The following N4BP1 variants were observed in gnomAD, a reference collection of about 807,000 sequenced individuals.
The protein encoded by N4BP1 is NEDD4-binding protein 1.
Under a neutral mutation model 70.9 loss-of-function variants are expected in N4BP1, and 21 were observed. That is an observed-to-expected ratio of 0.30 (90% CI 0.21 to 0.43). The LOEUF is 0.43. Among genes scored for constraint, N4BP1 ranks in the 20% least tolerant of loss-of-function variants. N4BP1 has a pLI of 1.00. For synonymous variants in N4BP1, 387 were observed against 394.6 expected (o/e 0.98, Z 0.23); for missense variants, 936 against 1,069.4 (o/e 0.88, Z 1.74).
Position 48,580,925 on chromosome 16 carries a change from T to C in N4BP1, c.199-18481A>G, listed in dbSNP as rs78964918. Reference sequence around the variant, plus strand: ...ATTTAAGTATACAGGAAAATATACATAGATTATACGCAAACACTATACCAT... The same window carrying C: ...ATTTAAGTATACAGGAAAATATACACAGATTATACGCAAACACTATACCAT... On this transcript the variant is annotated intron_variant, in intron 1 of 6. Transcript: ENST00000262384. Among the ~76,000 whole-genome samples the C allele has an allele frequency of 2.2e-4, 34 of 152,202 alleles. No homozygotes were observed. In the East Asian group the frequency reaches 6.2e-3, roughly 28 times the overall value.
chr16:48,592,701 G>A (rs1021125603), intron 1 of N4BP1, among the ~76,000 whole-genome samples: 11 of 152,180 alleles, frequency 7.2e-5, no homozygotes, highest in Admixed American at 5.2e-4. Context: ...AAGATTACTG[G>A]TAAATAAAAA....
chr16:48,556,827 T>A (rs2151087971), intron 2 of N4BP1, among the ~76,000 whole-genome samples: 1 of 151,794 alleles, frequency 6.6e-6, no homozygotes, highest in East Asian at 1.9e-4. Flanking sequence ...AAAAGACTAG[T>A]ATGGAAAAAA....
chr16:48,597,767 T>C (rs1480054131), intron 1 of N4BP1, among the ~76,000 whole-genome samples: 1 of 152,200 alleles, frequency 6.6e-6, no homozygotes, highest in Admixed American at 6.5e-5. Context: ...TCTCGTCATC[T>C]AGTGGCCCTA....
intron 1 of N4BP1, among the ~76,000 whole-genome samples, chr16:48,594,241 G>C (rs1436939886): frequency 6.6e-6 from 1 of 152,142 alleles, no homozygotes; most frequent in African/African-American, 2.4e-5. Flanking sequence ...TTGTTGTTTG[G>C]AAAGCTGAGT....
chr16:48,592,025 T>A lies in N4BP1; in HGVS notation c.198+17750A>T, dbSNP rs77530392. ...TAACAGTTACAGAGGGATACTTGGC[T>A]CACTGCACGCTTTAATCAAAGAAGC... On this transcript the variant is annotated intron_variant, in intron 1 of 6. Transcript: ENST00000262384. Among the ~76,000 whole-genome samples, 581 of 152,220 alleles carry A rather than the reference T, an allele frequency of 3.8e-3. 3 individuals are homozygous for A. Among genetic ancestry groups the A allele is most frequent in the African/African-American group, 0.013 (553 of 41,554 alleles).
At chr16:48,582,171 T>C (rs1964183234) in intron 1 of N4BP1, among the ~76,000 whole-genome samples, 1 of 152,206 alleles carries the variant, frequency 6.6e-6, no homozygotes, top group Admixed American at 6.5e-5. Flanking sequence ...GATATACAAA[T>C]GGCCAACAGG....
At chr16:48,596,225 A>G (rs1964412697) in intron 1 of N4BP1, among the ~76,000 whole-genome samples, 1 of 152,150 alleles carries the variant, frequency 6.6e-6, no homozygotes, top group Admixed American at 6.5e-5. Context: ...TCTGCAATTT[A>G]GATTTTGGTG....
chr16:48,565,411 T>C (rs1162904309), intron 1 of N4BP1, among the ~76,000 whole-genome samples: 1 of 152,248 alleles, frequency 6.6e-6, no homozygotes, highest in East Asian at 1.9e-4. Flanking sequence ...AATCCTGTGA[T>C]TATTTTTCTT....
At chr16:48,564,432 T>G (rs149149107) in intron 1 of N4BP1, among the ~76,000 whole-genome samples, 343 of 152,332 alleles carry the variant, frequency 2.3e-3, no homozygotes, top group Non-Finnish European at 4.3e-3. Flanking sequence ...AGGCTATTCT[T>G]TCACTACTGA....
At chr16:48,554,479 C>T (rs1187768987) in intron 2 of N4BP1, among the ~76,000 whole-genome samples, 3 of 152,146 alleles carry the variant, frequency 2.0e-5, no homozygotes, top group Non-Finnish European at 4.4e-5. Flanking sequence ...TTAAATTTTA[C>T]TCTCCAGCAG....
chr16:48,559,288 A>G (rs1963807696), intron 2 of N4BP1, among the ~76,000 whole-genome samples: 1 of 152,204 alleles, frequency 6.6e-6, no homozygotes. Context: ...GTATTCTTAA[A>G]AACTCAGGGC....
In N4BP1 at chr16:48,540,409, C is replaced by G. The variant is rs1295045538; in HGVS notation, c.*2495G>C. The G allele has an allele frequency of 6.6e-6, 1 of 152,496 alleles. No homozygotes were observed. Among genetic ancestry groups the G allele is most frequent in the Non-Finnish European group, 1.5e-5 (1 of 68,216 alleles). 9.4% of individuals were successfully genotyped at this position (152,496 alleles called of 1,614,324 possible). A position where few individuals can be genotyped will look rare whatever the true frequency, so the allele number is the denominator to read the frequency against. On this transcript the variant is annotated 3_prime_UTR_variant, in exon 7 of 7. Coordinates refer to ENST00000262384, the MANE Select transcript of N4BP1 (RefSeq NM_153029.4). ...TCTCAAAAGCCACCCAGGCCCAAGT[C>G]CCGGCCAGACAGCCGAGCCTGCCTA...
intron 1 of N4BP1, among the ~76,000 whole-genome samples, chr16:48,579,414 T>C (rs1473311697): frequency 6.6e-6 from 1 of 152,210 alleles, no homozygotes; most frequent in Non-Finnish European, 1.5e-5. Context: ...AGTACTCTCT[T>C]AGGCCTACTC....
Position 48,585,938 on chromosome 16 carries a change from C to T in N4BP1, c.199-23494G>A, listed in dbSNP as rs565807916. On this transcript the variant is annotated intron_variant, in intron 1 of 6. Coordinates refer to ENST00000262384, the MANE Select transcript of N4BP1 (RefSeq NM_153029.4). ...CTCCAACTCCTGATCTCAAGTGATCCGCCCGCCTCGGCCTCCCAAAGTGCT... is the reference window on the plus strand; with the variant it reads ...CTCCAACTCCTGATCTCAAGTGATCTGCCCGCCTCGGCCTCCCAAAGTGCT... Among the ~76,000 whole-genome samples, 19 of 152,148 alleles carry T rather than the reference C, an allele frequency of 1.2e-4. No homozygotes were observed. In the South Asian group the frequency reaches 3.3e-3, roughly 27 times the overall value.
chr16:48,545,225 A>G (rs927573633), intron 6 of N4BP1, among the ~76,000 whole-genome samples: 4 of 151,580 alleles, frequency 2.6e-5, no homozygotes, highest in Admixed American at 2.0e-4. Flanking sequence ...TCGGCCTCAC[A>G]AAGTGCTGGG....
At chr16:48,553,433 G>GC in intron 3 of N4BP1, 106 bp downstream of exon 3, 1 of 1,148,584 alleles carries the variant, frequency 8.7e-7, no homozygotes, top group Non-Finnish European at 1.1e-6. Context: ...TATTTTTAAA[G>GC]CCGCTGCCTA....
Position 48,542,820 on chromosome 16 carries a change from T to G in N4BP1, c.*84A>C. On this transcript the variant is annotated 3_prime_UTR_variant, in exon 7 of 7. Transcript: ENST00000262384. The stretch of plus-strand genomic sequence containing the variant: ...ACACTGGGAAATAAGTTTCTTCACA[T>G]TATGTTCATTCCCATCAGGTACAGG... The G allele has an allele frequency of 1.7e-6, 2 of 1,189,080 alleles. No individual in the cohort carries two copies. Among genetic ancestry groups the G allele is most frequent in the Non-Finnish European group, 2.3e-6 (2 of 853,024 alleles). 73.7% of individuals were successfully genotyped at this position (1,189,080 alleles called of 1,614,324 possible). A position where few individuals can be genotyped will look rare whatever the true frequency, so the allele number is the denominator to read the frequency against.
chr16:48,609,907 C>G lies in N4BP1; in HGVS notation c.66G>C (p.Gln22His). 1 of 1,465,018 alleles carries G rather than the reference C, an allele frequency of 6.8e-7. No individual in the cohort carries two copies. The highest frequency in any genetic ancestry group is 1.3e-5 in the South Asian group (1 of 78,266). The allele number at this position is 1,465,018 out of a possible 1,614,324, so 90.8% of individuals were successfully genotyped here. The change falls in exon 1 of 7, where the codon CAG becomes CAC. Residue 22 changes from glutamine (Q) to histidine (H), a missense_variant. Transcript: ENST00000262384. ...APAEKAELLEQSRGRIEGLFG... is the reference protein window; with the variant it reads ...APAEKAELLEHSRGRIEGLFG... Reference sequence around the variant, plus strand: ...ACAGGCCCTCGATACGGCCGCGGCTCTGCTCCAGCAGCTCCGCCTTCTCAG... The same window carrying G: ...ACAGGCCCTCGATACGGCCGCGGCTGTGCTCCAGCAGCTCCGCCTTCTCAG...
intron 1 of N4BP1, chr16:48,577,605 C>T (rs542501001): frequency 2.3e-5 from 5 of 217,712 alleles, no homozygotes; most frequent in Non-Finnish European, 4.8e-5. Flanking sequence ...CAGTGAATTC[C>T]TCATAGGGAG....
Sources: allele counts gnomAD v4.1 joint callset (sites outside exome capture counted in the v4.1 genomes callset), GRCh38; gene constraint gnomAD v4.1.1; transcripts MANE v1.5; gene names NCBI Gene and HGNC (gene_info 2026-07-23, HGNC 2026-07-21).